Variants in SMYD3 observed in about 807,000 individuals in gnomAD.
The protein encoded by SMYD3 is SET and MYND domain containing 3, also known as histone-lysine N-methyltransferase SMYD3.
SMYD3 carries 36 observed loss-of-function variants against 57.7 expected under a neutral mutation model. The observed-to-expected ratio is 0.62, with a 90% CI of 0.48 to 0.82. SMYD3 has a LOEUF of 0.82. Ranked by LOEUF, SMYD3 falls within the 40% of genes least tolerant of loss-of-function variation. SMYD3 has a pLI of 0.00. For synonymous variants in SMYD3, 211 were observed against 195.0 expected, an observed-to-expected ratio of 1.08 and a Z score of -0.68; for missense variants, 515 against 538.8, an observed-to-expected ratio of 0.96 and a Z score of 0.44.
intron 10 of SMYD3, among the ~76,000 whole-genome samples, chr1:245,770,240 C>A (rs2046282586): frequency 6.6e-6 from 1 of 151,950 alleles, no homozygotes; most frequent in Admixed American, 6.6e-5. Flanking sequence ...ACCTTGTATT[C>A]ATTGGTACTT....
At chr1:245,922,983 A>G (rs772602286) in intron 7 of SMYD3, among the ~76,000 whole-genome samples, 30 of 152,070 alleles carry the variant, frequency 2.0e-4, no homozygotes, top group Non-Finnish European at 3.7e-4. Context: ...GGCTTCATCT[A>G]TTGCTTCCTA....
chr1:246,330,134 A>G (rs1305115232), intron 4 of SMYD3, among the ~76,000 whole-genome samples: 1 of 152,124 alleles, frequency 6.6e-6, no homozygotes, highest in Non-Finnish European at 1.5e-5. Flanking sequence ...TTCACTAATC[A>G]CTCTTCTCTG....
At chr1:246,333,910 CA>C (rs1257750350) in intron 3 of SMYD3, among the ~76,000 whole-genome samples, 2 of 151,848 alleles carry the variant, frequency 1.3e-5, no homozygotes, top group Non-Finnish European at 2.9e-5. Flanking sequence ...AAAAAGTGCA[CA>C]AAGGACAAGA....
intron 11 of SMYD3, among the ~76,000 whole-genome samples, chr1:245,760,352 C>T (rs895032561): frequency 6.6e-6 from 1 of 152,234 alleles, no homozygotes; most frequent in Non-Finnish European, 1.5e-5. Flanking sequence ...AGAGTATAGC[C>T]TCCCTTTTCC....
At chr1:246,449,686 C>T (rs2067602121) in intron 1 of SMYD3, among the ~76,000 whole-genome samples, 2 of 152,152 alleles carry the variant, frequency 1.3e-5, no homozygotes, top group Admixed American at 1.3e-4. Flanking sequence ...ACAATAAGCA[C>T]CCACTGCTTA....
intron 2 of SMYD3, among the ~76,000 whole-genome samples, chr1:246,336,207 A>G (rs1307250978): frequency 6.6e-6 from 1 of 152,226 alleles, no homozygotes; most frequent in Non-Finnish European, 1.5e-5. Flanking sequence ...TGAATGGACT[A>G]AAGGGAAGGA....
intron 1 of SMYD3, among the ~76,000 whole-genome samples, chr1:246,393,012 G>A (rs986939599): frequency 1.3e-5 from 2 of 151,938 alleles, no homozygotes; most frequent in Non-Finnish European, 2.9e-5. Context: ...TGAGAAGAAA[G>A]ATCCCTCATA....
chr1:246,117,759 G>T (rs972819724), intron 5 of SMYD3, among the ~76,000 whole-genome samples: 26 of 152,180 alleles, frequency 1.7e-4, no homozygotes, highest in Admixed American at 1.6e-3. Flanking sequence ...GTGTGCCATG[G>T]TGGTTTGCTG....
chr1:246,110,425 C>T (rs535635371), intron 5 of SMYD3, among the ~76,000 whole-genome samples: 3 of 152,184 alleles, frequency 2.0e-5, no homozygotes, highest in South Asian at 2.1e-4. Flanking sequence ...CAGGGGGCTA[C>T]GGGTAGGTGA....
intron 5 of SMYD3, among the ~76,000 whole-genome samples, chr1:245,934,728 G>A (rs2056905995): frequency 6.6e-6 from 1 of 152,076 alleles, no homozygotes; most frequent in Admixed American, 6.6e-5. Flanking sequence ...GTTTACGAGA[G>A]TACAGGTGAT....
At chr1:246,253,260 C>T (rs925469920) in intron 5 of SMYD3, among the ~76,000 whole-genome samples, 1 of 152,178 alleles carries the variant, frequency 6.6e-6, no homozygotes, top group Non-Finnish European at 1.5e-5. Context: ...AGGTTTTCAA[C>T]CCTTGCTCCC....
intron 1 of SMYD3, among the ~76,000 whole-genome samples, chr1:246,380,007 C>CAA (rs111443015): frequency 4.8e-5 from 5 of 104,726 alleles, no homozygotes; most frequent in South Asian, 6.1e-4. Flanking sequence ...CACTCTGTCT[C>CAA]AAAAAAAAAA....
intron 1 of SMYD3, among the ~76,000 whole-genome samples, chr1:246,494,852 T>C (rs2068331498): frequency 6.6e-6 from 1 of 152,214 alleles, no homozygotes; most frequent in African/African-American, 2.4e-5. Flanking sequence ...AAACAGAACA[T>C]GCTAATGTCA....
rs753843659 is a variant in SMYD3, at chr1:245,995,953, T to C, written c.532-66016A>G. ...TTCCACCACACCAGTGGAAAGACAA[T>C]CAGCCAGAAATTGGGCAGATGTATA... On this transcript the variant is annotated intron_variant, in intron 5 of 11. Transcript: ENST00000490107. Among the ~76,000 whole-genome samples the C allele has an allele frequency of 1.4e-4, 22 of 152,216 alleles. 1 individual carries two copies. The highest frequency in any genetic ancestry group is 3.1e-4 in the Non-Finnish European group (21 of 68,012).
intron 5 of SMYD3, among the ~76,000 whole-genome samples, chr1:246,000,603 C>G (rs1441982046): frequency 3.9e-5 from 6 of 152,178 alleles, no homozygotes; most frequent in Non-Finnish European, 7.3e-5. Context: ...CTGTTTCCCC[C>G]TCCCCTGGAC....
At chr1:246,250,899 A>T (rs1467245576) in intron 5 of SMYD3, among the ~76,000 whole-genome samples, 1 of 152,222 alleles carries the variant, frequency 6.6e-6, no homozygotes, top group Non-Finnish European at 1.5e-5. Context: ...TGAGACTCAA[A>T]ATTAATTTAC....
intron 1 of SMYD3, among the ~76,000 whole-genome samples, chr1:246,481,613 T>TATAC (rs2068105338): frequency 5.2e-5 from 5 of 95,802 alleles, no homozygotes; most frequent in African/African-American, 2.8e-4. Flanking sequence ...TATATACACA[T>TATAC]ACATATATAC....
rs546294868 is a variant in SMYD3 at position 246,462,650 on chromosome 1, G to A, written c.164+44404C>T. Among the ~76,000 whole-genome samples the A allele has an allele frequency of 3.3e-5, 5 of 152,326 alleles. No homozygotes were observed. The South Asian group carries it at 1.0e-3, about 32-fold the overall frequency. ...AAACAAACTCAGCCTGGAGCTGAGAGAAGGGTCAGAACTGGAGGGCTACAC... is the reference window on the plus strand; with the variant it reads ...AAACAAACTCAGCCTGGAGCTGAGAAAAGGGTCAGAACTGGAGGGCTACAC... On this transcript the variant is annotated intron_variant, in intron 1 of 11. Transcript: ENST00000490107.
intron 5 of SMYD3, among the ~76,000 whole-genome samples, chr1:245,980,778 C>G (rs1408384344): frequency 6.6e-6 from 1 of 152,210 alleles, no homozygotes; most frequent in African/African-American, 2.4e-5. Flanking sequence ...GGAAACAAAT[C>G]CCTACTCCAG....
Sources: gnomAD v4.1 joint callset for allele counts (sites outside exome capture counted in the v4.1 genomes callset) on GRCh38, gnomAD v4.1.1 for gene constraint, MANE v1.5 for transcripts, NCBI Gene and HGNC (gene_info 2026-07-23, HGNC 2026-07-21) for gene names.